CLCNKA: variants seen among roughly 807,000 people sequenced by gnomAD.
CLCNKA encodes chloride channel protein ClC-Ka.
CLCNKA carries 66 observed loss-of-function variants against 83.3 expected under a neutral mutation model. That is an observed-to-expected ratio of 0.79 (90% CI 0.65 to 0.97). The LOEUF is 0.97. Among genes scored for constraint, CLCNKA ranks in the 50% least tolerant of loss-of-function variants. The probability of loss-of-function intolerance (pLI) is 0.00; values close to 1 mark genes in which losing one functional copy is unlikely to be tolerated. For missense variants in CLCNKA, 806 were observed against 888.7 expected, an observed-to-expected ratio of 0.91 and a Z score of 1.18; for synonymous variants, 357 against 370.4, an observed-to-expected ratio of 0.96 and a Z score of 0.42.
chr1:16,029,088 G>A (rs1557453450), intron 11 of CLCNKA, 38 bp from the exon 12 acceptor site: 1 of 1,601,800 alleles, frequency 6.2e-7, no homozygotes, highest in Non-Finnish European at 8.5e-7. Context: ...CCGCTGGGGG[G>A]GGCCCCTCAT....
At chr1:16,026,857 G>A (rs1184260257) in intron 7 of CLCNKA, 82 bp downstream of exon 7, 6 of 1,548,694 alleles carry the variant, frequency 3.9e-6, no homozygotes, top group Non-Finnish European at 5.3e-6. Context: ...CCAGCTGAGA[G>A]CCTGGAGGAG....
chr1:16,026,439 T>G, intron 5 of CLCNKA, 97 bp from the exon 6 acceptor site: 1 of 1,544,672 alleles, frequency 6.5e-7, no homozygotes. Context: ...CCCTGGGGGT[T>G]GGGGAGATGG....
intron 19 of CLCNKA, 150 bp from the exon 20 acceptor site, chr1:16,033,461 C>T: frequency 1.1e-6 from 1 of 914,200 alleles, no homozygotes; most frequent in Non-Finnish European, 1.7e-6. Context: ...GCCTGCCCTT[C>T]TCGGCCTCAG....
intron 10 of CLCNKA, 48 bp downstream of exon 10, chr1:16,028,167 G>C (rs865822656): frequency 3.9e-6 from 6 of 1,554,484 alleles, no homozygotes; most frequent in Middle Eastern, 1.7e-4. Flanking sequence ...GTCCCTTGTG[G>C]ACTCCAGACC....
In CLCNKA at chr1:16,032,491, A is replaced by G; in HGVS notation, c.1894A>G (p.Thr632Ala). Reference protein sequence around the residue: ...LARGCPTEPVTLTLFSETTLH... With the variant: ...LARGCPTEPVALTLFSETTLH... ...CAGGGGCTGCCCCACGGAACCAGTGACCCTGACGCTATTCTCAGAGACCAC... is the reference window on the plus strand; with the variant it reads ...CAGGGGCTGCCCCACGGAACCAGTGGCCCTGACGCTATTCTCAGAGACCAC... Residue 632 changes from threonine to alanine, a missense_variant, in exon 18 of 20, where the codon ACC becomes GCC. Transcript: ENST00000331433. The G allele has an allele frequency of 2.5e-6, 4 of 1,613,252 alleles. No homozygotes were observed. Among genetic ancestry groups the G allele is most frequent in the Non-Finnish European group, 2.5e-6 (3 of 1,179,932 alleles).
At chr1:16,025,724 C>T (rs965114255) in intron 4 of CLCNKA, among the ~76,000 whole-genome samples, 3 of 151,972 alleles carry the variant, frequency 2.0e-5, no homozygotes, top group East Asian at 1.9e-4. Flanking sequence ...AAACACCGTG[C>T]GGGTAGAGTT....
rs577001388 is a variant in CLCNKA, at chr1:16,033,070, G to A, written c.1930-100G>A. 5.1e-5 allele frequency: 65 copies of A among 1,265,972 alleles called. 1 individual carries two copies. In the Admixed American group the frequency reaches 8.2e-4, roughly 16 times the overall value. The allele number at this position is 1,265,972 out of a possible 1,614,324, so 78.4% of individuals were successfully genotyped here. ...GTCTGTTGCCTCCCACACATATCAG[G>A]CCCCGCCCCTCTTCCTGGCTCAGAG... On this transcript the variant is annotated intron_variant, in intron 18 of 19. Coordinates refer to ENST00000331433, the MANE Select transcript of CLCNKA (RefSeq NM_004070.4).
chr1:16,026,439 T>C, intron 5 of CLCNKA, 97 bp from the exon 6 acceptor site: 1 of 1,544,672 alleles, frequency 6.5e-7, no homozygotes, highest in Non-Finnish European at 8.9e-7. Flanking sequence ...CCCTGGGGGT[T>C]GGGGAGATGG....
chr1:16,023,340 C>T (rs1424979637), intron 2 of CLCNKA, among the ~76,000 whole-genome samples: 1 of 152,186 alleles, frequency 6.6e-6, no homozygotes, highest in Non-Finnish European at 1.5e-5. Context: ...GCTATGGATC[C>T]TGCAGGGATA....
In CLCNKA at chr1:16,031,756, A is replaced by G. The variant is rs531874707; in HGVS notation, c.1669A>G (p.Thr557Ala). Residue 557 changes from threonine (T) to alanine (A), a missense_variant, in exon 16 of 20, where the codon ACA (threonine) becomes GCA (alanine). Coordinates refer to ENST00000331433, the MANE Select transcript of CLCNKA (RefSeq NM_004070.4). The stretch of plus-strand genomic sequence containing the variant: ...GCACTTCATGAACCACAGCATCACC[A>G]CACTGGCCAAGGACACGCCGCTGGA... ...VEHFMNHSIT[T>A]LAKDTPLEEV... 2 of 1,613,952 alleles carry G rather than the reference A, an allele frequency of 1.2e-6. No homozygotes were observed. Among genetic ancestry groups the G allele is most frequent in the South Asian group, 2.2e-5 (2 of 91,078 alleles).
Position 16,026,103 on chromosome 1 carries a change from C to G in CLCNKA, c.359-5C>G, listed in dbSNP as rs781552879. 2 of 1,612,438 alleles carry G rather than the reference C, an allele frequency of 1.2e-6. No individual in the cohort carries two copies. Among genetic ancestry groups the G allele is most frequent in the South Asian group, 1.1e-5 (1 of 90,990 alleles). On this transcript the variant is annotated splice_region_variant and splice_polypyrimidine_tract_variant and intron_variant, in intron 4 of 19. Coordinates refer to ENST00000331433, the MANE Select transcript of CLCNKA (RefSeq NM_004070.4). ...CCCTGCTTGTTCCTGTCCTGTCTGG[C>G]TAAGGTTCTGGAATCCCGGAGCTGA...
At chr1:16,031,239 G>T (rs1439554212) in intron 15 of CLCNKA, among the ~76,000 whole-genome samples, 6 of 152,054 alleles carry the variant, frequency 3.9e-5, no homozygotes, top group Non-Finnish European at 8.8e-5. Context: ...TTTCCCCATC[G>T]GGAAAATGGG....
In CLCNKA at chr1:16,024,808, G is replaced by A. The variant is rs1483344638; in HGVS notation, c.275G>A (p.Arg92Gln). The change falls in exon 4 of 20, where the codon CGG becomes CAG. Residue 92 changes from arginine to glutamine, a missense_variant. Coordinates refer to ENST00000331433, the MANE Select transcript of CLCNKA (RefSeq NM_004070.4). ...GAGATTGGGGACAGCCACCTGCTCC[G>A]GTATCTTTCCTGGACTGTGTACCCT... ...YREIGDSHLL[R>Q]YLSWTVYPVA... The A allele has an allele frequency of 1.9e-6, 3 of 1,614,148 alleles. No individual in the cohort carries two copies. The highest frequency in any genetic ancestry group is 2.2e-5 in the East Asian group (1 of 44,880).
chr1:16,033,296 T>A, intron 19 of CLCNKA, 40 bp downstream of exon 19: 2 of 1,603,516 alleles, frequency 1.2e-6, no homozygotes, highest in Non-Finnish European at 1.7e-6. Context: ...AGGGGACCCA[T>A]GCCTGAGAAG....
Position 16,027,312 on chromosome 1 carries a change from G to A in CLCNKA, c.658G>A (p.Val220Ile), listed in dbSNP as rs752482057. 1 of 1,613,180 alleles carries A rather than the reference G, an allele frequency of 6.2e-7. No homozygotes were observed. Among genetic ancestry groups the A allele is most frequent in the Admixed American group, 1.7e-5 (1 of 60,028 alleles). ...CCTGACATCAGTGTCGCCCCCAGGCGTCCTGTTCAGCATCGAGGTCATGTC... is the reference window on the plus strand; with the variant it reads ...CCTGACATCAGTGTCGCCCCCAGGCATCCTGTTCAGCATCGAGGTCATGTC... ...ATVFAAPFSG[V>I]LFSIEVMSSH... is the part of the protein sequence containing the mutation. The change falls in exon 8 of 20, where the codon GTC (valine) becomes ATC (isoleucine). Residue 220 changes from valine (V) to isoleucine (I), a missense_variant and splice_region_variant. Coordinates refer to ENST00000331433, the MANE Select transcript of CLCNKA (RefSeq NM_004070.4).
chr1:16,024,735 T>C, intron 3 of CLCNKA, 28 bp from the exon 4 acceptor site: 2 of 1,613,214 alleles, frequency 1.2e-6, no homozygotes, highest in Non-Finnish European at 1.7e-6. Context: ...AGGCTGTGGG[T>C]GCCTCCCTGA....
chr1:16,022,984 T>C (rs1219880099), intron 2 of CLCNKA, among the ~76,000 whole-genome samples: 1 of 152,186 alleles, frequency 6.6e-6, no homozygotes, highest in Non-Finnish European at 1.5e-5. Context: ...CCCAGGCCTC[T>C]CCCTCACCTA....
At position 16,028,640 on chromosome 1, in the gene CLCNKA, C is replaced by T. The variant is rs534188398; in HGVS notation, c.969-121C>T. On this transcript the variant is annotated intron_variant, in intron 10 of 19. Transcript: ENST00000331433. ...CTCCCGCCCTTCCTCCTCACCAGTC[C>T]TTGCCTCGGTATCAGCCCCCAGGTG... The T allele has an allele frequency of 1.9e-5, 24 of 1,264,782 alleles. No individual in the cohort carries two copies. The South Asian group carries it at 2.4e-4, about 13-fold the overall frequency. The allele number at this position is 1,264,782 out of a possible 1,614,324, so 78.3% of individuals were successfully genotyped here. A position where few individuals can be genotyped will look rare whatever the true frequency, so the allele number is the denominator to read the frequency against.
At chr1:16,024,715 A>C in intron 3 of CLCNKA, 48 bp from the exon 4 acceptor site, 1 of 1,611,690 alleles carries the variant, frequency 6.2e-7, no homozygotes, top group Non-Finnish European at 8.5e-7. Context: ...TCTGGCCCTG[A>C]GGGCTGCAGA....
Sources: allele counts gnomAD v4.1 joint callset (sites outside exome capture counted in the v4.1 genomes callset), GRCh38; gene constraint gnomAD v4.1.1; transcripts MANE v1.5; gene names NCBI Gene and HGNC (gene_info 2026-07-23, HGNC 2026-07-21).